Variants in INPP5B observed in about 807,000 individuals in gnomAD.
INPP5B encodes type II inositol 1,4,5-trisphosphate 5-phosphatase.
INPP5B carries 90 observed loss-of-function variants against 118.5 expected under a neutral mutation model. That is an observed-to-expected ratio of 0.76 (90% confidence interval 0.64 to 0.90). The LOEUF (loss-of-function observed/expected upper bound fraction) is 0.90. INPP5B is among the 40% of genes least tolerant of loss of function. INPP5B has a pLI of 0.00. For synonymous variants in INPP5B, 385 were observed against 418.9 expected, an observed-to-expected ratio of 0.92 and a Z score of 0.99; for missense variants, 984 against 1,125.6, an observed-to-expected ratio of 0.87 and a Z score of 1.80.
At chr1:37,905,889 ACTTTT>A (rs1401236779) in intron 7 of INPP5B, among the ~76,000 whole-genome samples, 9 of 152,334 alleles carry the variant, frequency 5.9e-5, no homozygotes, top group African/African-American at 2.2e-4. Context: ...AGTCAAGAAA[ACTTTT>A]CTTTTGAGCT....
chr1:37,898,065 A>T (rs960821153), intron 7 of INPP5B, among the ~76,000 whole-genome samples: 32 of 152,258 alleles, frequency 2.1e-4, no homozygotes, highest in Non-Finnish European at 1.0e-4. Flanking sequence ...AAACTGTGAT[A>T]CATCCATATA....
intron 7 of INPP5B, among the ~76,000 whole-genome samples, chr1:37,912,271 T>G (rs1185219135): frequency 6.6e-6 from 1 of 152,210 alleles, no homozygotes; most frequent in East Asian, 1.9e-4. Context: ...GTCTGCAGGA[T>G]GCCCCACCAT....
chr1:37,942,428 T>C (rs1323453729), intron 5 of INPP5B, among the ~76,000 whole-genome samples: 3 of 151,868 alleles, frequency 2.0e-5, no homozygotes, highest in Non-Finnish European at 4.4e-5. Context: ...AGCGAGACTC[T>C]GTCTCAAACA....
At chr1:37,931,653 C>T (rs762794401) in intron 7 of INPP5B, 2 of 1,533,908 alleles carry the variant, frequency 1.3e-6, no homozygotes, top group Non-Finnish European at 1.7e-6. Context: ...CCCAGCCCAG[C>T]TTCCCGCCGC....
intron 7 of INPP5B, among the ~76,000 whole-genome samples, chr1:37,902,382 T>C (rs969264482): frequency 6.6e-6 from 1 of 152,118 alleles, no homozygotes; most frequent in Non-Finnish European, 1.5e-5. Flanking sequence ...ACTTAATGAT[T>C]TCCCTACCTC....
chr1:37,893,079 C>G, intron 7 of INPP5B, among the ~76,000 whole-genome samples: 1 of 111,594 alleles, frequency 9.0e-6, no homozygotes. Flanking sequence ...TTATTATTTT[C>G]TTTTTCTTTT....
At chr1:37,879,141 G>A (rs1369266493) in intron 15 of INPP5B, among the ~76,000 whole-genome samples, 3 of 151,732 alleles carry the variant, frequency 2.0e-5, no homozygotes, top group African/African-American at 7.3e-5. Flanking sequence ...GCATGGTGGT[G>A]TGTGCCTGTA....
chr1:37,932,138 C>T, intron 6 of INPP5B, 85 bp from the exon 7 acceptor site: 1 of 1,355,840 alleles, frequency 7.4e-7, no homozygotes, highest in Non-Finnish European at 9.7e-7. Flanking sequence ...GAGACTCCGG[C>T]CCTGTTTCTC....
chr1:37,873,156 A>G lies in INPP5B; in HGVS notation c.1961T>C (p.Val654Ala), dbSNP rs973411972. Residue 654 changes from valine to alanine, a missense_variant, in exon 19 of 24, where the codon GTT (valine) becomes GCT (alanine). Around this residue, in one of 2 missense-constraint regions of INPP5B, gnomAD observed 634 missense variants for 791.0 expected, o/e 0.80. Transcript: ENST00000373024. ...TACGAAGAGCTCCAAGTCAATCTCA[A>G]CATCAGAATCTGCAGAGAAATTTTA... ...SRGFLLPDSD[V>A]EIDLELFVNK... 33 of 1,611,626 alleles carry G rather than the reference A, an allele frequency of 2.0e-5. No individual in the cohort carries two copies. The highest frequency in any genetic ancestry group is 2.6e-5 in the Non-Finnish European group (31 of 1,177,844).
At chr1:37,870,086 CAAAA>C (rs1642319800) in intron 19 of INPP5B, 1 of 149,670 alleles carries the variant, frequency 6.7e-6, no homozygotes, top group Admixed American at 6.7e-5. Flanking sequence ...TAAAAAAAAA[CAAAA>C]GAATAATATC....
chr1:37,913,057 A>G (rs971132756), intron 7 of INPP5B, among the ~76,000 whole-genome samples: 5 of 152,006 alleles, frequency 3.3e-5, no homozygotes, highest in Non-Finnish European at 7.3e-5. Context: ...GGAGATCGAG[A>G]CCATCCTGGC....
At chr1:37,936,982 A>G (rs1388668546) in intron 6 of INPP5B, among the ~76,000 whole-genome samples, 3 of 152,074 alleles carry the variant, frequency 2.0e-5, no homozygotes, top group Non-Finnish European at 4.4e-5. Context: ...AAATGGACAC[A>G]TCGATAATAC....
chr1:37,894,353 C>T (rs1643938559), intron 7 of INPP5B, among the ~76,000 whole-genome samples: 1 of 152,154 alleles, frequency 6.6e-6, no homozygotes, highest in Non-Finnish European at 1.5e-5. Flanking sequence ...TACTCCCCAT[C>T]ACAGTCTTGA....
At position 37,873,016 on chromosome 1, in the gene INPP5B, G is replaced by A; in HGVS notation, c.2101C>T (p.Pro701Ser). 3.7e-6 allele frequency: 6 copies of A among 1,614,150 alleles called. No homozygotes were observed. In the South Asian group the frequency reaches 6.6e-5, roughly 18 times the overall value. ...YFLSVSGNYLPSCFGSPIHTL... is the reference protein window; with the variant it reads ...YFLSVSGNYLSSCFGSPIHTL... ...TGAATGGGAGACCCAAAACAGCTGGGCAGGTAGTTCCCAGACACAGACAAA... is the reference window on the plus strand; with the variant it reads ...TGAATGGGAGACCCAAAACAGCTGGACAGGTAGTTCCCAGACACAGACAAA... The change falls in exon 19 of 24, where the codon CCC becomes TCC. Residue 701 changes from proline (P) to serine (S), a missense_variant. Around this residue, in one of 2 missense-constraint regions of INPP5B, gnomAD observed 634 missense variants for 791.0 expected, o/e 0.80. Coordinates refer to ENST00000373024, the MANE Select transcript of INPP5B (RefSeq NM_005540.3).
chr1:37,881,545 A>G (rs1002981821), intron 14 of INPP5B, among the ~76,000 whole-genome samples: 1 of 152,214 alleles, frequency 6.6e-6, no homozygotes, highest in African/African-American at 2.4e-5. Flanking sequence ...AACTATTTAA[A>G]AAGCAACAGA....
intron 7 of INPP5B, among the ~76,000 whole-genome samples, chr1:37,925,363 C>T (rs1348302382): frequency 2.0e-5 from 3 of 152,078 alleles, no homozygotes; most frequent in Admixed American, 2.0e-4. Flanking sequence ...AGCTTCAGTT[C>T]ATGTATGGAT....
chr1:37,935,681 A>G (rs1250185493), intron 6 of INPP5B, among the ~76,000 whole-genome samples: 1 of 151,960 alleles, frequency 6.6e-6, no homozygotes, highest in Non-Finnish European at 1.5e-5. Context: ...GTACATTCCT[A>G]TCTCCCTGCT....
chr1:37,883,854 A>G (rs1643356816), intron 13 of INPP5B: 1 of 985,412 alleles, frequency 1.0e-6, no homozygotes, highest in African/African-American at 1.7e-5. Context: ...TCACGGCCCC[A>G]GTGGCTTCTT....
chr1:37,906,098 G>A (rs941033741), intron 7 of INPP5B, among the ~76,000 whole-genome samples: 14 of 152,180 alleles, frequency 9.2e-5, no homozygotes, highest in African/African-American at 3.4e-4. Flanking sequence ...GGAGAAATTG[G>A]TTATTTTACC....
Sources: gnomAD v4.1 joint callset for allele counts (sites outside exome capture counted in the v4.1 genomes callset) on GRCh38, gnomAD v4.1.1 for gene constraint, gnomAD v4.1.1 regional missense constraint, MANE v1.5 for transcripts, NCBI Gene and HGNC (gene_info 2026-07-23, HGNC 2026-07-21) for gene names.